The following FAM168A variants were observed in gnomAD, a reference collection of about 807,000 sequenced individuals.
FAM168A encodes the protein family with sequence similarity 168 member A.
A neutral mutation model predicts 28.5 loss-of-function variants in FAM168A; 3 were observed. The ratio of observed to expected loss-of-function variants is 0.11; its 90% CI spans 0.05 to 0.27. The LOEUF (loss-of-function observed/expected upper bound fraction) is 0.27. Among genes scored for constraint, FAM168A ranks in the 10% least tolerant of loss-of-function variants. The probability of loss-of-function intolerance (pLI) is 1.00; values close to 1 mark genes in which losing one functional copy is unlikely to be tolerated. For synonymous variants in FAM168A, 122 were observed against 124.2 expected (o/e 0.98, Z 0.12); for missense variants, 222 against 311.5 (o/e 0.71, Z 2.16).
chr11:73,532,160 C>A (rs967393674), intron 1 of FAM168A, among the ~76,000 whole-genome samples: 19 of 151,822 alleles, frequency 1.3e-4, no homozygotes, highest in African/African-American at 4.4e-4. Context: ...TTCCCTGCAC[C>A]CTTGATCTGG....
chr11:73,580,362 G>C (rs1944228709), intron 1 of FAM168A: 3 of 600,104 alleles, frequency 5.0e-6, no homozygotes, highest in South Asian at 4.1e-5. Flanking sequence ...TCCAAAGATA[G>C]AGCCCAGGCC....
chr11:73,415,170 A>C (rs1352472815), intron 4 of FAM168A, among the ~76,000 whole-genome samples: 1 of 152,238 alleles, frequency 6.6e-6, no homozygotes, highest in Non-Finnish European at 1.5e-5. Flanking sequence ...CTCAGAATAC[A>C]AATCAGTAGC....
chr11:73,419,198 T>C (rs1446147826), intron 4 of FAM168A, among the ~76,000 whole-genome samples: 1 of 152,150 alleles, frequency 6.6e-6, no homozygotes, highest in Non-Finnish European at 1.5e-5. Flanking sequence ...ACAACATCAG[T>C]TACCCTACTG....
At chr11:73,475,979 C>G (rs1251639573) in intron 1 of FAM168A, among the ~76,000 whole-genome samples, 1 of 152,192 alleles carries the variant, frequency 6.6e-6, no homozygotes, top group East Asian at 1.9e-4. Context: ...GTGCAGGCAA[C>G]AGACCTGCAG....
chr11:73,502,839 G>C (rs1214232266), intron 1 of FAM168A, among the ~76,000 whole-genome samples: 1 of 152,174 alleles, frequency 6.6e-6, no homozygotes, highest in Non-Finnish European at 1.5e-5. Flanking sequence ...TGCAAGGCTG[G>C]TTCAACATAT....
chr11:73,417,694 G>T (rs1866719890), intron 4 of FAM168A, among the ~76,000 whole-genome samples: 1 of 151,780 alleles, frequency 6.6e-6, no homozygotes, highest in Non-Finnish European at 1.5e-5. Flanking sequence ...CGAGTAGCTG[G>T]GACTACAGGC....
chr11:73,551,183 T>C (rs903780620), intron 1 of FAM168A, among the ~76,000 whole-genome samples: 1 of 151,176 alleles, frequency 6.6e-6, no homozygotes, highest in African/African-American at 2.4e-5. Flanking sequence ...GCCTGCAAGC[T>C]AAGTTAAGGG....
chr11:73,442,852 T>G (rs1490437302), intron 2 of FAM168A, among the ~76,000 whole-genome samples: 1 of 142,010 alleles, frequency 7.0e-6, no homozygotes, highest in Non-Finnish European at 1.5e-5. Flanking sequence ...TTTTTTTTTT[T>G]GAGACAGAGT....
At chr11:73,522,064 A>C (rs1468500454) in intron 1 of FAM168A, among the ~76,000 whole-genome samples, 2 of 152,142 alleles carry the variant, frequency 1.3e-5, no homozygotes, top group Non-Finnish European at 2.9e-5. Flanking sequence ...CATAGCTTGC[A>C]CTCAAGTTCT....
chr11:73,565,558 C>T (rs979121087), intron 1 of FAM168A, among the ~76,000 whole-genome samples: 15 of 152,042 alleles, frequency 9.9e-5, no homozygotes, highest in African/African-American at 3.1e-4. Context: ...CATTATAATA[C>T]CTTTCTTGGA....
At chr11:73,504,709 T>G (rs752658532) in intron 1 of FAM168A, among the ~76,000 whole-genome samples, 1 of 152,132 alleles carries the variant, frequency 6.6e-6, no homozygotes, top group Non-Finnish European at 1.5e-5. Context: ...CACATATATG[T>G]TTACTGCAGC....
At chr11:73,434,133 C>T (rs749184313) in intron 2 of FAM168A, among the ~76,000 whole-genome samples, 4 of 147,784 alleles carry the variant, frequency 2.7e-5, no homozygotes, top group Admixed American at 6.7e-5. Flanking sequence ...CGTGAGCTAT[C>T]GTGCCTGGCC....
At chr11:73,430,598 G>T in intron 3 of FAM168A, 92 bp downstream of exon 3, 2 of 1,215,614 alleles carry the variant, frequency 1.6e-6, no homozygotes, top group Non-Finnish European at 2.4e-6. Context: ...GAGCAATTAA[G>T]AACAGGAAAA....
intron 1 of FAM168A, among the ~76,000 whole-genome samples, chr11:73,502,645 T>G (rs1379646290): frequency 6.6e-6 from 1 of 152,208 alleles, no homozygotes; most frequent in African/African-American, 2.4e-5. Flanking sequence ...AGGCCTCATT[T>G]TATGAAGCCA....
chr11:73,450,810 C>T (rs1867413786), intron 2 of FAM168A, among the ~76,000 whole-genome samples: 2 of 152,250 alleles, frequency 1.3e-5, no homozygotes, highest in South Asian at 4.1e-4. Flanking sequence ...AAAAAAGATG[C>T]TTTGAGTTCA....
chr11:73,549,267 C>T (rs1255420526), intron 1 of FAM168A, among the ~76,000 whole-genome samples: 1 of 152,114 alleles, frequency 6.6e-6, no homozygotes, highest in Non-Finnish European at 1.5e-5. Flanking sequence ...ATCATAGTAC[C>T]TACTACACTT....
intron 1 of FAM168A, among the ~76,000 whole-genome samples, chr11:73,529,646 A>C (rs1341791314): frequency 6.6e-6 from 1 of 152,202 alleles, no homozygotes; most frequent in African/African-American, 2.4e-5. Context: ...ATAAAGCTTT[A>C]ACTTACGTTA....
chr11:73,437,994 C>T (rs557138327), intron 2 of FAM168A, among the ~76,000 whole-genome samples: 1 of 152,180 alleles, frequency 6.6e-6, no homozygotes, highest in Non-Finnish European at 1.5e-5. Flanking sequence ...TCGTTGATTC[C>T]TCTGCTGATA....
At chr11:73,449,916 AC>A (rs1207015231) in intron 2 of FAM168A, among the ~76,000 whole-genome samples, 1 of 152,232 alleles carries the variant, frequency 6.6e-6, no homozygotes, top group Non-Finnish European at 1.5e-5. Flanking sequence ...TCTCCTGCTG[AC>A]AGCAGTAATA....
Sources: gnomAD v4.1 joint callset for allele counts (sites outside exome capture counted in the v4.1 genomes callset) on GRCh38, gnomAD v4.1.1 for gene constraint, MANE v1.5 for transcripts, NCBI Gene and HGNC (gene_info 2026-07-23, HGNC 2026-07-21) for gene names.